Variants in SULF2 observed in about 807,000 individuals in gnomAD.
The protein encoded by SULF2 is extracellular sulfatase Sulf-2.
In SULF2, 52 loss-of-function variants were observed where a neutral mutation model predicts 107.7. The ratio of observed to expected loss-of-function variants is 0.48; its 90% CI spans 0.39 to 0.61. The LOEUF (loss-of-function observed/expected upper bound fraction) is 0.61. SULF2 is among the 20% of genes least tolerant of loss of function. The pLI is 0.00. For synonymous variants in SULF2, 460 were observed against 464.3 expected, an observed-to-expected ratio of 0.99 and a Z score of 0.12; for missense variants, 993 against 1,177.3, an observed-to-expected ratio of 0.84 and a Z score of 2.29.
In SULF2 at chr20:47,710,330, G is replaced by A. The variant is rs966040832; in HGVS notation, c.416-7660C>T. 7.2e-5 allele frequency among the ~76,000 whole-genome samples: 11 copies of A among 151,808 alleles called. 1 individual carries two copies. The highest frequency in any genetic ancestry group is 2.7e-4 in the African/African-American group (11 of 41,086). On this transcript the variant is annotated intron_variant, in intron 3 of 20. Transcript: ENST00000688720. ...TGGGAATACACGCATGAGCCACCAT[G>A]CCCACCATATTTTTACTGTACTCTA...
chr20:47,707,308 T>G (rs1012077467), intron 3 of SULF2, among the ~76,000 whole-genome samples: 1 of 152,122 alleles, frequency 6.6e-6, no homozygotes, highest in Non-Finnish European at 1.5e-5. Context: ...TTTTTTATTC[T>G]TCTTTTTTCT....
chr20:47,741,693 A>G (rs946221071), intron 2 of SULF2, among the ~76,000 whole-genome samples: 1 of 152,090 alleles, frequency 6.6e-6, no homozygotes, highest in African/African-American at 2.4e-5. Context: ...CTAGTCCCAA[A>G]CACGAAGGAG....
chr20:47,726,131 C>A (rs1291464408), intron 3 of SULF2, among the ~76,000 whole-genome samples: 1 of 152,160 alleles, frequency 6.6e-6, no homozygotes, highest in African/African-American at 2.4e-5. Flanking sequence ...GCCACCACCC[C>A]CTGCGTTTTT....
Position 47,658,131 on chromosome 20 carries a change from G to A in SULF2, c.*231C>T, listed in dbSNP as rs1728987871. ...ACGAAAAAATGCATTTTGTGCAGCT[G>A]GTGAGGTATAATCCAAAGCAAAAGC... On this transcript the variant is annotated 3_prime_UTR_variant, in exon 21 of 21. Coordinates refer to ENST00000688720, the MANE Select transcript of SULF2 (RefSeq NM_001387048.1). The A allele has an allele frequency of 1.8e-6, 1 of 566,700 alleles. No individual in the cohort carries two copies. Among genetic ancestry groups the A allele is most frequent in the Non-Finnish European group, 3.1e-6 (1 of 317,724 alleles). 35.1% of individuals were successfully genotyped at this position (566,700 alleles called of 1,614,324 possible).
At position 47,686,705 on chromosome 20, in the gene SULF2, G is replaced by A. The variant is rs114595780; in HGVS notation, c.738-2124C>T. Among the ~76,000 whole-genome samples the A allele has an allele frequency of 9.3e-3, 1,422 of 152,344 alleles. 20 individuals carry two copies. The highest frequency in any genetic ancestry group is 0.033 in the African/African-American group (1,367 of 41,570). ...ATCACAATCGTCCGGGGCAGAAATTGTGACGCTGCCGCTGGGGTAGCTTGG... is the reference window on the plus strand; with the variant it reads ...ATCACAATCGTCCGGGGCAGAAATTATGACGCTGCCGCTGGGGTAGCTTGG... On this transcript the variant is annotated intron_variant, in intron 5 of 20. Coordinates refer to ENST00000688720, the MANE Select transcript of SULF2 (RefSeq NM_001387048.1).
chr20:47,718,519 A>T (rs960487242), intron 3 of SULF2, among the ~76,000 whole-genome samples: 10 of 152,212 alleles, frequency 6.6e-5, no homozygotes, highest in African/African-American at 2.4e-4. Context: ...GGCCAGTCCG[A>T]GGCAGGGAAC....
chr20:47,662,960 C>A, intron 17 of SULF2, 110 bp downstream of exon 17: 1 of 1,326,576 alleles, frequency 7.5e-7, no homozygotes. Flanking sequence ...GGCTCAGGGA[C>A]TCAGTGGGAC....
intron 1 of SULF2, among the ~76,000 whole-genome samples, chr20:47,769,844 A>G (rs2090595873): frequency 6.6e-6 from 1 of 152,004 alleles, no homozygotes; most frequent in African/African-American, 2.4e-5. Flanking sequence ...CTGAGAGATG[A>G]CAGTTGGGTG....
In SULF2 at chr20:47,666,374, T is replaced by C. The variant is rs760101431; in HGVS notation, c.1691A>G (p.Lys564Arg). Residue 564 changes from lysine (K) to arginine (R), a missense_variant, in exon 12 of 21, where the codon AAG becomes AGG. Physicochemically the swap from Lys to Arg is conservative, Grantham distance 26. Transcript: ENST00000688720. The surrounding 1 kb of genome is among the most constrained non-coding windows in gnomAD (Gnocchi z 5.4). ...CTCAGGGGCCCCTGGCCAGTGCCGC[T>C]TGGTGAGGTTTCGGGGCTGGGCGGC... ...GDAAQPRNLTKRHWPGAPEDQ... is the reference protein window; with the variant it reads ...GDAAQPRNLTRRHWPGAPEDQ... 3.1e-6 allele frequency: 5 copies of C among 1,614,106 alleles called. No homozygotes were observed. Among genetic ancestry groups the C allele is most frequent in the South Asian group, 1.1e-5 (1 of 91,090 alleles).
At chr20:47,675,770 C>T (rs1023234210) in intron 10 of SULF2, among the ~76,000 whole-genome samples, 1 of 143,546 alleles carries the variant, frequency 7.0e-6, no homozygotes, top group Admixed American at 6.9e-5. Context: ...CCCTCCTCTC[C>T]AAGCCTGCCC....
At chr20:47,683,199 G>A (rs1372821864) in intron 6 of SULF2, 30 bp from the exon 7 acceptor site, 3 of 1,553,738 alleles carry the variant, frequency 1.9e-6, no homozygotes, top group Non-Finnish European at 8.8e-7. Context: ...GCAAGGGACA[G>A]TGGGGACTGG....
intron 3 of SULF2, among the ~76,000 whole-genome samples, chr20:47,711,217 C>G (rs181415872): frequency 6.6e-6 from 1 of 152,248 alleles, no homozygotes; most frequent in Admixed American, 6.5e-5. Context: ...TCAGTTCTCC[C>G]TTTTCCCAGT....
At chr20:47,704,899 G>A (rs2088681464) in intron 3 of SULF2, among the ~76,000 whole-genome samples, 1 of 152,192 alleles carries the variant, frequency 6.6e-6, no homozygotes, top group Non-Finnish European at 1.5e-5. Context: ...GGGCTCTGGT[G>A]CCCCTAGAGG....
Position 47,768,673 on chromosome 20 carries a change from C to T in SULF2, c.-100-11210G>A, listed in dbSNP as rs116598729. Among the ~76,000 whole-genome samples, 385 of 152,334 alleles carry T rather than the reference C, an allele frequency of 2.5e-3. 4 individuals carry two copies. Among genetic ancestry groups the T allele is most frequent in the African/African-American group, 8.9e-3 (371 of 41,576 alleles). On this transcript the variant is annotated intron_variant, in intron 1 of 20. Transcript: ENST00000688720. ...GATAAGAGAAGGTAGTGTGGAAAAG[C>T]GGAAGGAACGTGGGTGTGGGAATCA...
intron 19 of SULF2, 95 bp from the exon 20 acceptor site, chr20:47,659,547 C>T (rs1231579945): frequency 4.9e-6 from 7 of 1,437,318 alleles, no homozygotes; most frequent in Non-Finnish European, 6.9e-6. Context: ...TCCTAGGTGA[C>T]ACCTATCTTT....
rs531901151 is a variant in SULF2 at position 47,688,150 on chromosome 20, G to C, written c.737+1976C>G. ...AAGGGCATGTGCCGGCTTTCTAGGGGAGAGATGGGATAGGAGACCCCTAAC... is the reference window on the plus strand; with the variant it reads ...AAGGGCATGTGCCGGCTTTCTAGGGCAGAGATGGGATAGGAGACCCCTAAC... On this transcript the variant is annotated intron_variant, in intron 5 of 20. Transcript: ENST00000688720. Among the ~76,000 whole-genome samples the C allele has an allele frequency of 2.6e-5, 4 of 152,254 alleles. No individual in the cohort carries two copies. The South Asian group carries it at 8.3e-4, about 32-fold the overall frequency.
intron 3 of SULF2, among the ~76,000 whole-genome samples, chr20:47,722,228 G>T (rs1347253540): frequency 6.6e-6 from 1 of 152,052 alleles, no homozygotes; most frequent in African/African-American, 2.4e-5. Context: ...TTTTTTTGCT[G>T]ACTTCAAGCC....
rs1165602681 is a variant in SULF2 at position 47,659,408 on chromosome 20, G to C, written c.2573C>G (p.Ser858Cys). Reference protein sequence around the residue: ...RKWPEMKRPSSKSLGQLWEGW... With the variant: ...RKWPEMKRPSCKSLGQLWEGW... ...TGGTTCCTCAACTCACAGTGATTTG[G>C]AAGAAGGTCTCTTCATTTCTGGCCA... The change falls in exon 20 of 21, where the codon TCC (serine) becomes TGC (cysteine). Residue 858 changes from serine to cysteine, a missense_variant. This residue lies in a region of SULF2 where 497 missense variants were observed against 544.1 expected (regional missense o/e 0.91). Transcript: ENST00000688720. 1 of 1,614,134 alleles carries C rather than the reference G, an allele frequency of 6.2e-7. No homozygotes were observed. The highest frequency in any genetic ancestry group is 8.5e-7 in the Non-Finnish European group (1 of 1,179,988).
intron 3 of SULF2, among the ~76,000 whole-genome samples, chr20:47,712,024 G>A: frequency 6.6e-6 from 1 of 152,176 alleles, no homozygotes; most frequent in Non-Finnish European, 1.5e-5. Context: ...TACAGTAAAA[G>A]CACATATACA....
Sources: allele counts gnomAD v4.1 joint callset (sites outside exome capture counted in the v4.1 genomes callset), GRCh38; gene constraint gnomAD v4.1.1; regional missense constraint gnomAD v4.1.1; non-coding constraint Gnocchi (gnomAD v3.1); transcripts MANE v1.5; gene names NCBI Gene and HGNC (gene_info 2026-07-23, HGNC 2026-07-21).